LRP1B: variants seen among roughly 807,000 people sequenced by gnomAD.
LRP1B encodes the protein LDL receptor related protein 1B.
LRP1B carries 217 observed loss-of-function variants against 556.6 expected under a neutral mutation model. The ratio of observed to expected loss-of-function variants is 0.39; its 90% CI spans 0.35 to 0.44. LRP1B has a LOEUF of 0.44. Ranked by LOEUF, LRP1B falls within the 20% of genes least tolerant of loss-of-function variation. The pLI is 1.00. For missense variants in LRP1B, 5,053 were observed against 5,620.8 expected, an observed-to-expected ratio of 0.90 and a Z score of 3.23; for synonymous variants, 2,047 against 1,865.8, an observed-to-expected ratio of 1.10 and a Z score of -2.50.
intron 4 of LRP1B, among the ~76,000 whole-genome samples, chr2:141,250,921 G>C (rs138154547): frequency 6.6e-6 from 1 of 152,028 alleles, no homozygotes; most frequent in Non-Finnish European, 1.5e-5. Flanking sequence ...GTAACATAAG[G>C]GTTTCAATAT....
intron 1 of LRP1B, among the ~76,000 whole-genome samples, chr2:141,895,629 T>G (rs2381168): frequency 6.6e-6 from 1 of 152,040 alleles, no homozygotes; most frequent in African/African-American, 2.4e-5. Flanking sequence ...TTGGTTATTT[T>G]ACTTTGAGGA....
In LRP1B at chr2:141,014,614, A is replaced by G. The variant is rs115232929; in HGVS notation, c.2191-869T>C. On this transcript the variant is annotated intron_variant, in intron 13 of 90. Transcript: ENST00000389484. ...TAAATAATTTAGGGTCATAAATTTA[A>G]ATTTTGCTCCTTTTAACTGAATTCT... Among the ~76,000 whole-genome samples the G allele has an allele frequency of 3.1e-3, 468 of 152,204 alleles. 2 individuals are homozygous for G. Among genetic ancestry groups the G allele is most frequent in the African/African-American group, 0.011 (455 of 41,570 alleles).
At chr2:140,574,730 G>A (rs1207152593) in intron 43 of LRP1B, among the ~76,000 whole-genome samples, 1 of 152,118 alleles carries the variant, frequency 6.6e-6, no homozygotes, top group Non-Finnish European at 1.5e-5. Flanking sequence ...CATTCCTTTA[G>A]TCATGTCAGA....
rs950645605 is a variant in LRP1B, at chr2:140,323,874, CATAAT to C, written c.12514+14_12514+18del. On this transcript the variant is annotated intron_variant, in intron 81 of 90. Transcript: ENST00000389484. ...AATAATTTACCAATATAGACAACTT[CATAAT>C]ATATTATACTTACAATCTAGTTGTT... The C allele has an allele frequency of 1.3e-5, 17 of 1,264,976 alleles. No homozygotes were observed. Among genetic ancestry groups the C allele is most frequent in the African/African-American group, 1.5e-5 (1 of 67,172 alleles). The allele number at this position is 1,264,976 out of a possible 1,614,324, so 78.4% of individuals were successfully genotyped here.
chr2:141,372,137 G>A (rs1121374), intron 3 of LRP1B, among the ~76,000 whole-genome samples: 112,739 of 151,960 alleles, frequency 0.74, 42,886 homozygotes, highest in African/African-American at 0.87. Context: ...TTTTTTTCAT[G>A]TGATTTTGAA....
At chr2:141,731,609 G>A (rs1006292222) in intron 2 of LRP1B, among the ~76,000 whole-genome samples, 2 of 152,040 alleles carry the variant, frequency 1.3e-5, no homozygotes, top group Non-Finnish European at 1.5e-5. Flanking sequence ...TTCTTTGTTC[G>A]GAAGCACATG....
intron 37 of LRP1B, among the ~76,000 whole-genome samples, chr2:140,711,528 C>T (rs974245032): frequency 6.6e-6 from 1 of 152,010 alleles, no homozygotes; most frequent in Non-Finnish European, 1.5e-5. Flanking sequence ...TGATCTATAA[C>T]CTTTTTTCTC....
At chr2:140,687,694 T>C (rs2105391575) in intron 41 of LRP1B, among the ~76,000 whole-genome samples, 1 of 152,260 alleles carries the variant, frequency 6.6e-6, no homozygotes, top group East Asian at 1.9e-4. Context: ...AACTTCTTTA[T>C]TTCTGGTAAA....
At chr2:140,981,664 TGTCA>T (rs1435969098) in intron 18 of LRP1B, among the ~76,000 whole-genome samples, 1 of 152,158 alleles carries the variant, frequency 6.6e-6, no homozygotes, top group Admixed American at 6.6e-5. Context: ...ATATTGAGTT[TGTCA>T]GTCAGAATCA....
chr2:141,379,050 C>T (rs1353776393), intron 3 of LRP1B, among the ~76,000 whole-genome samples: 2 of 152,082 alleles, frequency 1.3e-5, no homozygotes, highest in African/African-American at 4.8e-5. Flanking sequence ...CAAAAAGATC[C>T]ATCCAACCTA....
intron 3 of LRP1B, among the ~76,000 whole-genome samples, chr2:141,430,367 A>G (rs1205352080): frequency 1.3e-5 from 2 of 152,202 alleles, no homozygotes; most frequent in African/African-American, 2.4e-5. Flanking sequence ...TGTTCTCATC[A>G]ATAATTAAAA....
intron 7 of LRP1B, among the ~76,000 whole-genome samples, chr2:141,085,626 G>A (rs1371248802): frequency 6.6e-6 from 1 of 152,140 alleles, no homozygotes; most frequent in East Asian, 1.9e-4. Context: ...TCAGAACCGT[G>A]ACAAAACGAA....
At chr2:140,828,272 A>G (rs1043177740) in intron 31 of LRP1B, among the ~76,000 whole-genome samples, 3 of 152,226 alleles carry the variant, frequency 2.0e-5, no homozygotes, top group Non-Finnish European at 4.4e-5. Flanking sequence ...CTTACTTATC[A>G]AAAATAACAT....
At chr2:140,626,297 A>T (rs9646704) in intron 41 of LRP1B, among the ~76,000 whole-genome samples, 4 of 152,030 alleles carry the variant, frequency 2.6e-5, no homozygotes, top group African/African-American at 9.7e-5. Flanking sequence ...TGGTAGATAA[A>T]TGTCATTATA....
At chr2:141,641,152 A>G (rs1225042143) in intron 2 of LRP1B, among the ~76,000 whole-genome samples, 1 of 151,534 alleles carries the variant, frequency 6.6e-6, no homozygotes, top group Non-Finnish European at 1.5e-5. Context: ...TCTCTGTAAT[A>G]TTTAAAAGTC....
intron 84 of LRP1B, among the ~76,000 whole-genome samples, chr2:140,292,784 C>T (rs2104990239): frequency 6.6e-6 from 1 of 152,130 alleles, no homozygotes; most frequent in East Asian, 1.9e-4. Context: ...TCATTGTAAA[C>T]ATCAAAACAT....
At chr2:141,064,382 C>A in intron 7 of LRP1B, among the ~76,000 whole-genome samples, 1 of 151,828 alleles carries the variant, frequency 6.6e-6, no homozygotes, top group East Asian at 1.9e-4. Context: ...TTAAGTTATT[C>A]ATTCAAGAAA....
chr2:141,713,565 C>T (rs1243143299), intron 2 of LRP1B, among the ~76,000 whole-genome samples: 6 of 152,096 alleles, frequency 3.9e-5, no homozygotes, highest in Admixed American at 3.9e-4. Flanking sequence ...TAAAACTTAA[C>T]TCTAATATAC....
intron 41 of LRP1B, among the ~76,000 whole-genome samples, chr2:140,660,678 C>T (rs77007525): frequency 0.063 from 9,506 of 152,072 alleles, 339 homozygotes; most frequent in Admixed American, 0.079. Context: ...CTGAAACTCA[C>T]GTCTTTCTTT....
Sources: allele counts gnomAD v4.1 joint callset (sites outside exome capture counted in the v4.1 genomes callset), GRCh38; gene constraint gnomAD v4.1.1; transcripts MANE v1.5; gene names NCBI Gene and HGNC (gene_info 2026-07-23, HGNC 2026-07-21).